The following GMDS variants were observed in gnomAD, a reference collection of about 807,000 sequenced individuals.
GMDS encodes the protein GDP-mannose 4,6 dehydratase.
In GMDS, 20 loss-of-function variants were observed where a neutral mutation model predicts 49.9. That is an observed-to-expected ratio of 0.40 (90% CI 0.28 to 0.58). GMDS has a LOEUF of 0.58. Among genes scored for constraint, GMDS ranks in the 20% least tolerant of loss-of-function variants. GMDS has a pLI of 0.42. For missense variants in GMDS, 362 were observed against 481.4 expected (o/e 0.75, Z 2.32); for synonymous variants, 177 against 178.6 (o/e 0.99, Z 0.07).
chr6:2,115,741 G>C lies in GMDS; in HGVS notation c.345+30C>G, dbSNP rs200637002. On this transcript the variant is annotated intron_variant, in intron 4 of 10. Transcript: ENST00000380815. Reference sequence around the variant, plus strand: ...AAAATACAGAACGCCACAGAAACACGGCCAGAGAAATCCCAATGAAAATGC... The same window carrying C: ...AAAATACAGAACGCCACAGAAACACCGCCAGAGAAATCCCAATGAAAATGC... 2.2e-4 allele frequency: 248 copies of C among 1,136,334 alleles called. 1 individual carries two copies. The African/African-American group carries it at 3.3e-3, about 15-fold the overall frequency. 70.4% of individuals were successfully genotyped at this position (1,136,334 alleles called of 1,614,324 possible). A position where few individuals can be genotyped will look rare whatever the true frequency, so the allele number is the denominator to read the frequency against.
chr6:2,194,760 T>C (rs1779210096), intron 1 of GMDS, among the ~76,000 whole-genome samples: 1 of 152,252 alleles, frequency 6.6e-6, no homozygotes, highest in Non-Finnish European at 1.5e-5. Flanking sequence ...ATCACGTCAG[T>C]TTCCTTGACA....
At chr6:1,795,475 C>T (rs1297027077) in intron 7 of GMDS, among the ~76,000 whole-genome samples, 4 of 152,116 alleles carry the variant, frequency 2.6e-5, no homozygotes, top group African/African-American at 9.7e-5. Context: ...TGCATATATG[C>T]ATATATTTCT....
chr6:2,069,073 A>C (rs1329399950), intron 4 of GMDS, among the ~76,000 whole-genome samples: 1 of 152,256 alleles, frequency 6.6e-6, no homozygotes, highest in Non-Finnish European at 1.5e-5. Context: ...ACAGAGATAT[A>C]GATCAATGGA....
At chr6:1,808,144 C>T (rs945752984) in intron 7 of GMDS, among the ~76,000 whole-genome samples, 3 of 152,206 alleles carry the variant, frequency 2.0e-5, no homozygotes, top group Admixed American at 6.5e-5. Context: ...TGTGTGTTCA[C>T]AGTTCCTAAG....
At chr6:1,935,052 A>T (rs976770579) in intron 6 of GMDS, among the ~76,000 whole-genome samples, 2 of 152,246 alleles carry the variant, frequency 1.3e-5, no homozygotes, top group African/African-American at 4.8e-5. Context: ...GCACATGTGG[A>T]TAATGGAACC....
chr6:1,631,172 CT>C (rs1195582828), intron 9 of GMDS, among the ~76,000 whole-genome samples: 2 of 152,182 alleles, frequency 1.3e-5, no homozygotes, highest in African/African-American at 4.8e-5. Flanking sequence ...GCTCTTGCCA[CT>C]TAGGGCTTTC....
At chr6:2,010,415 GCAAA>G (rs1158870761) in intron 4 of GMDS, among the ~76,000 whole-genome samples, 3 of 150,884 alleles carry the variant, frequency 2.0e-5, no homozygotes, top group South Asian at 2.1e-4. Flanking sequence ...CAAAAATGTT[GCAAA>G]CAGAGTGAAA....
At chr6:1,768,126 GC>G (rs759087167) in intron 7 of GMDS, among the ~76,000 whole-genome samples, 15 of 152,104 alleles carry the variant, frequency 9.9e-5, no homozygotes, top group Non-Finnish European at 1.9e-4. Flanking sequence ...CAGTACTGAG[GC>G]CTTTAAATAT....
intron 1 of GMDS, among the ~76,000 whole-genome samples, chr6:2,171,846 T>C (rs1173265584): frequency 1.3e-5 from 2 of 152,000 alleles, no homozygotes; most frequent in African/African-American, 2.4e-5. Flanking sequence ...AATAGGATAA[T>C]GTAAGGAGAT....
At chr6:1,781,664 C>T (rs981857083) in intron 7 of GMDS, among the ~76,000 whole-genome samples, 3 of 152,148 alleles carry the variant, frequency 2.0e-5, no homozygotes, top group East Asian at 1.9e-4. Context: ...AATTGTCAGC[C>T]GGGAGAATAA....
At position 1,960,937 on chromosome 6, in the gene GMDS, C is replaced by T. The variant is rs1295665823; in HGVS notation, c.375G>A (p.Ala125=). The T allele has an allele frequency of 1.5e-5, 24 of 1,576,516 alleles. No individual in the cohort carries two copies. The highest frequency in any genetic ancestry group is 2.3e-5 in the East Asian group (1 of 44,396). The change falls in exon 5 of 11, where the codon GCG becomes GCA. Residue 125 remains alanine (A), a synonymous_variant. Coordinates refer to ENST00000380815, the MANE Select transcript of GMDS (RefSeq NM_001500.4). ...GTAGAGTGCCAACTCCGTCAACGTCCGCAGTGTACTCAGCGAGGTCAAAGG... is the reference window on the plus strand; with the variant it reads ...GTAGAGTGCCAACTCCGTCAACGTCTGCAGTGTACTCAGCGAGGTCAAAGG... The part of the protein sequence containing the change: ...KISFDLAEYT[A]DVDGVGTLRL...
chr6:1,706,576 A>G (rs957743120), intron 9 of GMDS, among the ~76,000 whole-genome samples: 3 of 152,208 alleles, frequency 2.0e-5, no homozygotes, highest in Non-Finnish European at 4.4e-5. Context: ...GAAAACACAA[A>G]CCAGCGGAGG....
chr6:2,180,393 T>C (rs1168195974), intron 1 of GMDS, among the ~76,000 whole-genome samples: 1 of 152,240 alleles, frequency 6.6e-6, no homozygotes, highest in Admixed American at 6.5e-5. Context: ...AGTGTGGTAA[T>C]TCCAAGTTTG....
intron 4 of GMDS, among the ~76,000 whole-genome samples, chr6:1,961,461 T>G (rs1763938691): frequency 6.6e-6 from 1 of 152,228 alleles, no homozygotes; most frequent in Non-Finnish European, 1.5e-5. Context: ...CAATAATAAA[T>G]TTGTAATCTA....
chr6:2,135,050 G>C (rs2127521993), intron 1 of GMDS, among the ~76,000 whole-genome samples: 1 of 152,256 alleles, frequency 6.6e-6, no homozygotes, highest in South Asian at 2.1e-4. Context: ...GCTAGTTAGA[G>C]AACTTGGCAG....
chr6:1,731,339 C>T (rs1316993250), intron 8 of GMDS, among the ~76,000 whole-genome samples: 1 of 152,176 alleles, frequency 6.6e-6, no homozygotes, highest in African/African-American at 2.4e-5. Flanking sequence ...GTCAAGAATA[C>T]TGATCAAAGC....
At chr6:2,125,340 G>A (rs1231341284) in intron 1 of GMDS, among the ~76,000 whole-genome samples, 1 of 152,118 alleles carries the variant, frequency 6.6e-6, no homozygotes, top group African/African-American at 2.4e-5. Context: ...TGTTGCCCAG[G>A]CTGGTGTCAA....
chr6:1,829,468 G>T (rs1771259569), intron 7 of GMDS, among the ~76,000 whole-genome samples: 1 of 152,214 alleles, frequency 6.6e-6, no homozygotes, highest in African/African-American at 2.4e-5. Context: ...CAGTCTTGCT[G>T]TATCATCCAG....
intron 7 of GMDS, among the ~76,000 whole-genome samples, chr6:1,827,065 T>TAA (rs1281660304): frequency 7.8e-6 from 1 of 128,824 alleles, no homozygotes; most frequent in South Asian, 2.9e-4. Context: ...CGCTGTCTCT[T>TAA]AAAAAAATAT....
Sources: gnomAD v4.1 joint callset for allele counts (sites outside exome capture counted in the v4.1 genomes callset) on GRCh38, gnomAD v4.1.1 for gene constraint, MANE v1.5 for transcripts, NCBI Gene and HGNC (gene_info 2026-07-23, HGNC 2026-07-21) for gene names.